The following CHD7 variants were observed in gnomAD, a reference collection of about 807,000 sequenced individuals.
The protein encoded by CHD7 is ATP-dependent chromatin remodeler CHD7.
In CHD7, 24 loss-of-function variants were observed where a neutral mutation model predicts 307.3. The observed-to-expected ratio is 0.08, with a 90% confidence interval of 0.06 to 0.11. CHD7 has a LOEUF of 0.11. Among genes scored for constraint, CHD7 ranks in the 10% least tolerant of loss-of-function variants. CHD7 has a pLI of 1.00. For synonymous variants in CHD7, 1,363 were observed against 1,349.9 expected, an observed-to-expected ratio of 1.01 and a Z score of -0.21; for missense variants, 3,106 against 3,727.1, an observed-to-expected ratio of 0.83 and a Z score of 4.34.
intron 1 of CHD7, among the ~76,000 whole-genome samples, chr8:60,718,791 A>G (rs1807750432): frequency 6.6e-6 from 1 of 152,054 alleles, no homozygotes; most frequent in South Asian, 2.1e-4. Context: ...TTCACCACTC[A>G]CTCACTCACT....
intron 2 of CHD7, among the ~76,000 whole-genome samples, chr8:60,758,654 G>A (rs1810012293): frequency 6.6e-6 from 1 of 152,086 alleles, no homozygotes; most frequent in African/African-American, 2.4e-5. Context: ...AATATCTGTG[G>A]CTTGTCTTTC....
chr8:60,730,776 C>T (rs1056389308), intron 1 of CHD7, among the ~76,000 whole-genome samples: 4 of 151,770 alleles, frequency 2.6e-5, no homozygotes, highest in Admixed American at 2.0e-4. Context: ...AGGAGAATGG[C>T]GTGAACCCGG....
intron 29 of CHD7, 123 bp from the exon 30 acceptor site, chr8:60,852,375 C>A: frequency 7.9e-7 from 1 of 1,272,176 alleles, no homozygotes; most frequent in Non-Finnish European, 1.1e-6. Context: ...TCCAACAAAG[C>A]AGTCTGTTTC....
intron 7 of CHD7, among the ~76,000 whole-genome samples, chr8:60,811,557 C>T (rs189176327): frequency 2.0e-5 from 3 of 152,280 alleles, no homozygotes; most frequent in Admixed American, 2.0e-4. Flanking sequence ...CTGCCGTAAC[C>T]ATTCAACCAG....
chr8:60,697,829 A>G (rs1407181453), intron 1 of CHD7, among the ~76,000 whole-genome samples: 2 of 152,216 alleles, frequency 1.3e-5, no homozygotes, highest in East Asian at 1.9e-4. Flanking sequence ...TATCACTTTA[A>G]TCACACGTGG....
At chr8:60,852,304 C>G in intron 29 of CHD7, 57 bp downstream of exon 29, 1 of 1,485,406 alleles carries the variant, frequency 6.7e-7, no homozygotes, top group Non-Finnish European at 9.2e-7. Context: ...TGCCCTGCTC[C>G]TGTAGACCCA....
Position 60,723,752 on chromosome 8 carries a change from C to T in CHD7, c.-174-17507C>T, listed in dbSNP as rs183092966. On this transcript the variant is annotated intron_variant, in intron 1 of 37. Transcript: ENST00000423902. Reference sequence around the variant, plus strand: ...GCTTCAAGTTATGACTTTAAGTTTACTCCATAGATTGTGTTTGGATGTACT... The same window carrying T: ...GCTTCAAGTTATGACTTTAAGTTTATTCCATAGATTGTGTTTGGATGTACT... Among the ~76,000 whole-genome samples the T allele has an allele frequency of 5.4e-4, 82 of 152,294 alleles. No individual in the cohort carries two copies. The East Asian group carries it at 0.015, about 27-fold the overall frequency.
chr8:60,800,299 T>C (rs1812238233), intron 4 of CHD7, 89 bp from the exon 5 acceptor site: 2 of 1,367,356 alleles, frequency 1.5e-6, no homozygotes, highest in Non-Finnish European at 2.0e-6. Flanking sequence ...CCCAAAGTGC[T>C]GGGATTACAG....
Position 60,853,028 on chromosome 8 carries a change from G to A in CHD7, c.6303G>A (p.Leu2101=). 6.2e-7 allele frequency: 1 copy of A among 1,613,980 alleles called. No homozygotes were observed. The highest frequency in any genetic ancestry group is 1.1e-5 in the South Asian group (1 of 91,062). The change falls in exon 31 of 38, where the codon CTG becomes CTA. Residue 2101 remains leucine (L), a synonymous_variant. Coordinates refer to ENST00000423902, the MANE Select transcript of CHD7 (RefSeq NM_017780.4). ...GTGGACGGCATGACCGAGACTTGCT[G>A]GTTGGTGCTGCTAAACACGGGGTCA... is the stretch of plus-strand genomic sequence containing the variant. The part of the protein sequence containing the change: ...WECGRHDRDL[L]VGAAKHGVSR...
At chr8:60,774,732 C>T (rs986210878) in intron 2 of CHD7, among the ~76,000 whole-genome samples, 2 of 152,222 alleles carry the variant, frequency 1.3e-5, no homozygotes, top group African/African-American at 4.8e-5. Context: ...CCTTGCTCTC[C>T]TCCACTTGCG....
At chr8:60,861,289 A>C in intron 35 of CHD7, 164 bp downstream of exon 35, 1 of 587,424 alleles carries the variant, frequency 1.7e-6, no homozygotes, top group Non-Finnish European at 3.0e-6. Flanking sequence ...TCTTCATTAC[A>C]GATACTAGCT....
intron 6 of CHD7, among the ~76,000 whole-genome samples, chr8:60,806,916 A>G (rs1248247606): frequency 6.6e-6 from 1 of 152,048 alleles, no homozygotes; most frequent in African/African-American, 2.4e-5. Context: ...AGGGAGGGGC[A>G]GGGGTTGCTG....
intron 6 of CHD7, among the ~76,000 whole-genome samples, chr8:60,806,110 C>T (rs1315615293): frequency 6.6e-6 from 1 of 152,104 alleles, no homozygotes; most frequent in East Asian, 1.9e-4. Context: ...AGCCTGTAAT[C>T]CCAGTACTTT....
At chr8:60,726,130 C>T (rs570113525) in intron 1 of CHD7, among the ~76,000 whole-genome samples, 4 of 152,206 alleles carry the variant, frequency 2.6e-5, no homozygotes, top group Non-Finnish European at 5.9e-5. Context: ...GAATCATTTA[C>T]ATAACATATA....
intron 1 of CHD7, among the ~76,000 whole-genome samples, chr8:60,718,090 G>A (rs748676087): frequency 7.2e-5 from 11 of 152,196 alleles, no homozygotes; most frequent in Non-Finnish European, 1.3e-4. Flanking sequence ...AGTCTTCAGA[G>A]TGGCACAGAA....
In CHD7 at chr8:60,865,446, C is replaced by T. The variant is rs925177812; in HGVS notation, c.8507C>T (p.Pro2836Leu). 8.7e-6 allele frequency: 14 copies of T among 1,613,836 alleles called. No homozygotes were observed. The highest frequency in any genetic ancestry group is 5.3e-5 in the African/African-American group (4 of 74,932). Reference sequence around the variant, plus strand: ...ACTACTGCTTCTAGTCAAGGAGAACCGGAAGACAGCACTTCAAAAGGAGAG... The same window carrying T: ...ACTACTGCTTCTAGTCAAGGAGAACTGGAAGACAGCACTTCAAAAGGAGAG... The part of the protein sequence containing the change: ...NTTTASSQGE[P>L]EDSTSKGEEK... Residue 2836 changes from proline (P) to leucine (L), a missense_variant, in exon 38 of 38, where the codon CCG (proline) becomes CTG (leucine). Coordinates refer to ENST00000423902, the MANE Select transcript of CHD7 (RefSeq NM_017780.4). This position sits in a 1 kb window ranked among gnomAD's most constrained non-coding sequence, Gnocchi z 4.3.
At position 60,865,070 on chromosome 8, in the gene CHD7, G is replaced by A. The variant is rs1418830724; in HGVS notation, c.8131G>A (p.Gly2711Arg). ...DRLLTGPVVR[G>R]EGASRRGRRP... Reference sequence around the variant, plus strand: ...CCTTCTCACTGGGCCTGTAGTGCGGGGAGAGGGAGCGAGCAGAAGAGGAAG... The same window carrying A: ...CCTTCTCACTGGGCCTGTAGTGCGGAGAGAGGGAGCGAGCAGAAGAGGAAG... The change falls in exon 38 of 38, where the codon GGA becomes AGA. Residue 2711 changes from glycine (G) to arginine (R), a missense_variant. By Grantham distance (125) the Gly-to-Arg change is moderately radical (BLOSUM62 -2). Transcript: ENST00000423902. The surrounding 1 kb of genome is among the most constrained non-coding windows in gnomAD (Gnocchi z 4.3). The A allele has an allele frequency of 1.2e-6, 2 of 1,609,836 alleles. No homozygotes were observed. Among genetic ancestry groups the A allele is most frequent in the Non-Finnish European group, 1.7e-6 (2 of 1,178,070 alleles).
chr8:60,839,537 T>C (rs1380662064), intron 19 of CHD7, among the ~76,000 whole-genome samples: 1 of 152,198 alleles, frequency 6.6e-6, no homozygotes, highest in Non-Finnish European at 1.5e-5. Context: ...CTAGTTTCCT[T>C]CCAAGTCAGA....
At chr8:60,845,781 C>A (rs898454229) in intron 23 of CHD7, among the ~76,000 whole-genome samples, 2 of 152,180 alleles carry the variant, frequency 1.3e-5, no homozygotes, top group Non-Finnish European at 2.9e-5. Flanking sequence ...GTGAACAATT[C>A]ATTGGCATTA....
Sources: allele counts gnomAD v4.1 joint callset (sites outside exome capture counted in the v4.1 genomes callset), GRCh38; gene constraint gnomAD v4.1.1; non-coding constraint Gnocchi (gnomAD v3.1); transcripts MANE v1.5; gene names NCBI Gene and HGNC (gene_info 2026-07-23, HGNC 2026-07-21).